IL11RA: variants seen among roughly 807,000 people sequenced by gnomAD.
IL11RA encodes the protein interleukin-11 receptor subunit alpha.
A neutral mutation model predicts 57.0 loss-of-function variants in IL11RA; 51 were observed. The observed-to-expected ratio is 0.89, with a 90% CI of 0.71 to 1.13. The LOEUF (loss-of-function observed/expected upper bound fraction) is 1.13, where lower values mean the gene tolerates loss of function less well. IL11RA is among the 50% of genes most tolerant of loss of function. The pLI is 0.00. For missense variants in IL11RA, 498 were observed against 539.4 expected, an observed-to-expected ratio of 0.92 and a Z score of 0.76; for synonymous variants, 199 against 217.5, an observed-to-expected ratio of 0.91 and a Z score of 0.75.
At chr9:34,660,682 C>A in intron 11 of IL11RA, 82 bp downstream of exon 11, 1 of 1,299,510 alleles carries the variant, frequency 7.7e-7, no homozygotes, top group Non-Finnish European at 1.1e-6. Flanking sequence ...CTCCACCCTT[C>A]ATGACTGCCC....
At chr9:34,661,099 T>G (rs1267853228) in intron 12 of IL11RA, among the ~76,000 whole-genome samples, 163 bp downstream of exon 12, 1 of 151,816 alleles carries the variant, frequency 6.6e-6, no homozygotes, top group African/African-American at 2.4e-5. Context: ...CCTTTCATTC[T>G]TGAGTCCCTG....
chr9:34,652,909 C>T lies in IL11RA; in HGVS notation c.-1+676C>T, dbSNP rs117987895. 5.2e-3 allele frequency among the ~76,000 whole-genome samples: 794 copies of T among 152,284 alleles called. 3 individuals carry two copies. Among genetic ancestry groups the T allele is most frequent in the Admixed American group, 8.8e-3 (134 of 15,296 alleles). ...TCCCTGCTTGGCTCAGTTTCCCTTACGTGCCGTTTTCTGTCCCTATTGCTG... is the reference window on the plus strand; with the variant it reads ...TCCCTGCTTGGCTCAGTTTCCCTTATGTGCCGTTTTCTGTCCCTATTGCTG... On this transcript the variant is annotated intron_variant, in intron 1 of 12. Coordinates refer to ENST00000441545, the MANE Select transcript of IL11RA (RefSeq NM_001142784.3).
In IL11RA at chr9:34,653,044, C is replaced by T. The variant is rs1370655185; in HGVS notation, c.-1+811C>T. On this transcript the variant is annotated intron_variant, in intron 1 of 12. Coordinates refer to ENST00000441545, the MANE Select transcript of IL11RA (RefSeq NM_001142784.3). The surrounding 1 kb of genome is among the most constrained non-coding windows in gnomAD (Gnocchi z 4.5). ...CCTTTCTCTCTGTCTCTCTCTGTGC[C>T]CCTATGCCTGCCTTCCCTGCTGATC... 6.6e-6 allele frequency among the ~76,000 whole-genome samples: 1 copy of T among 152,130 alleles called. No homozygotes were observed. Among genetic ancestry groups the T allele is most frequent in the Non-Finnish European group, 1.5e-5 (1 of 68,036 alleles).
intron 7 of IL11RA, 97 bp downstream of exon 7, chr9:34,657,684 C>A: frequency 8.3e-7 from 1 of 1,206,252 alleles, no homozygotes; most frequent in Non-Finnish European, 1.2e-6. Context: ...TTCCTCCCAA[C>A]CTAGACTCCA....
At chr9:34,657,192 G>A (rs754185847) in intron 5 of IL11RA, 43 bp downstream of exon 5, 1 of 1,605,948 alleles carries the variant, frequency 6.2e-7, no homozygotes, top group African/African-American at 1.3e-5. Context: ...ATTTGGGTAT[G>A]CTGGTGCAAT....
intron 7 of IL11RA, 32 bp downstream of exon 7, chr9:34,657,619 C>T (rs764986578): frequency 1.2e-6 from 2 of 1,606,260 alleles, no homozygotes; most frequent in Admixed American, 1.7e-5. Flanking sequence ...CCCCCAGACC[C>T]CCATCACAGA....
chr9:34,659,500 C>T (rs1821409936), intron 8 of IL11RA, among the ~76,000 whole-genome samples: 1 of 152,144 alleles, frequency 6.6e-6, no homozygotes, highest in Non-Finnish European at 1.5e-5. Context: ...CACAGAGAGG[C>T]CCAAAGGGTC....
intron 2 of IL11RA, 46 bp from the exon 3 acceptor site, chr9:34,655,559 G>A: frequency 1.3e-6 from 2 of 1,560,068 alleles, no homozygotes; most frequent in Non-Finnish European, 1.8e-6. Flanking sequence ...CACAAAGTGG[G>A]GAGGGGGGTA....
intron 3 of IL11RA, 76 bp downstream of exon 3, chr9:34,655,741 C>T (rs1821332444): frequency 1.6e-6 from 2 of 1,236,362 alleles, no homozygotes; most frequent in African/African-American, 2.9e-5. Context: ...TGTCCCGCCC[C>T]TCCCATCCTT....
In IL11RA at chr9:34,658,827, T is replaced by C; in HGVS notation, c.810+144T>C. ...GTGGGCCAGGCTTTGTACTGGGTGC[T>C]GGGTTGCAGTGGTGACTGAGAGACT... On this transcript the variant is annotated intron_variant, in intron 8 of 12. Coordinates refer to ENST00000441545, the MANE Select transcript of IL11RA (RefSeq NM_001142784.3). The surrounding 1 kb of genome is among the most constrained non-coding windows in gnomAD (Gnocchi z 4.0). The C allele has an allele frequency of 1.2e-6, 1 of 854,932 alleles. No homozygotes were observed. The highest frequency in any genetic ancestry group is 1.4e-5 in the South Asian group (1 of 69,488). 53.0% of individuals were successfully genotyped at this position (854,932 alleles called of 1,614,324 possible). A position where few individuals can be genotyped will look rare whatever the true frequency, so the allele number is the denominator to read the frequency against.
In IL11RA at chr9:34,658,006, C is replaced by G. The variant is rs1429800221; in HGVS notation, c.646+419C>G. On this transcript the variant is annotated intron_variant, in intron 7 of 12. Transcript: ENST00000441545. This position sits in a 1 kb window ranked among gnomAD's most constrained non-coding sequence, Gnocchi z 4.0. ...ACTCAAGAAGCACTTCAAAAGTCCA[C>G]CCGCAGATCTCAGGTGGTTTCTTTT... 6.6e-6 allele frequency among the ~76,000 whole-genome samples: 1 copy of G among 152,168 alleles called. No homozygotes were observed. Among genetic ancestry groups the G allele is most frequent in the South Asian group, 2.1e-4 (1 of 4,822 alleles).
At chr9:34,659,718 C>T in intron 8 of IL11RA, 41 bp from the exon 9 acceptor site, 1 of 1,613,342 alleles carries the variant, frequency 6.2e-7, no homozygotes, top group Non-Finnish European at 8.5e-7. Context: ...GAAGGCCCTG[C>T]ACTTACAAGC....
In IL11RA at chr9:34,655,290, C is replaced by T. The variant is rs1345194764; in HGVS notation, c.73C>T (p.Pro25Ser). 6.2e-7 allele frequency: 1 copy of T among 1,610,734 alleles called. No homozygotes were observed. The highest frequency in any genetic ancestry group is 8.5e-7 in the Non-Finnish European group (1 of 1,178,308). Residue 25 changes from proline to serine, a missense_variant, in exon 2 of 13, where the codon CCC (proline) becomes TCC (serine). Coordinates refer to ENST00000441545, the MANE Select transcript of IL11RA (RefSeq NM_001142784.3). ...TACAGCCCTGGTGTCTGCCTCCTCC[C>T]CCTGCCCCCAGGCCTGGGGCCCCCC... Reference protein sequence around the residue: ...VATALVSASSPCPQAWGPPGV... With the variant: ...VATALVSASSSCPQAWGPPGV...
At chr9:34,660,967 G>A (rs756769405) in intron 12 of IL11RA, 31 bp downstream of exon 12, 6 of 1,549,528 alleles carry the variant, frequency 3.9e-6, no homozygotes, top group Non-Finnish European at 5.4e-6. Flanking sequence ...ATTTGGACTT[G>A]GAGATGTTTG....
At position 34,656,866 on chromosome 9, in the gene IL11RA, C is replaced by T; in HGVS notation, c.289C>T (p.Leu97=). ...TGAGGGCACCTACATCTGCCAGACC[C>T]TGGATGGTGCACTTGGGGGCACAGT... ...TDEGTYICQT[L]DGALGGTVTL... The change falls in exon 4 of 13, where the codon CTG becomes TTG. Residue 97 remains leucine (L), a synonymous_variant. Coordinates refer to ENST00000441545, the MANE Select transcript of IL11RA (RefSeq NM_001142784.3). 6.2e-7 allele frequency: 1 copy of T among 1,614,170 alleles called. No homozygotes were observed. Among genetic ancestry groups the T allele is most frequent in the Non-Finnish European group, 8.5e-7 (1 of 1,180,028 alleles).
intron 2 of IL11RA, 142 bp from the exon 3 acceptor site, chr9:34,655,463 C>A: frequency 1.1e-6 from 1 of 883,530 alleles, no homozygotes; most frequent in Admixed American, 2.0e-5. Flanking sequence ...TCTCTGACCT[C>A]TGTCTCCAGA....
intron 3 of IL11RA, 82 bp from the exon 4 acceptor site, chr9:34,656,657 G>A: frequency 1.3e-6 from 2 of 1,512,250 alleles, no homozygotes; most frequent in South Asian, 1.1e-5. Context: ...AATGCAGTTA[G>A]AAGCCAATGG....
Position 34,656,759 on chromosome 9 carries a change from G to T in IL11RA, c.182G>T (p.Arg61Leu), listed in dbSNP as rs775518776. 1 of 1,614,048 alleles carries T rather than the reference G, an allele frequency of 6.2e-7. No homozygotes were observed. The highest frequency in any genetic ancestry group is 8.5e-7 in the Non-Finnish European group (1 of 1,180,050). ...VTAGDPVSWF[R>L]DGEPKLLQGP... is the part of the protein sequence containing the mutation. ...TCCAGGGACCCAGTGTCCTGGTTTC[G>T]GGATGGGGAGCCAAAGCTGCTCCAG... The change falls in exon 4 of 13, where the codon CGG becomes CTG. Residue 61 changes from arginine to leucine, a missense_variant. By Grantham distance (102) the Arg-to-Leu change is moderately radical. Transcript: ENST00000441545.
intron 9 of IL11RA, 52 bp downstream of exon 9, chr9:34,659,952 TCAGCTGAACCAGTTCCAAAAG>T (rs757266793): frequency 6.2e-7 from 1 of 1,601,104 alleles, no homozygotes; most frequent in Admixed American, 1.7e-5. Context: ...AAAGCATCTA[TCAGCTGAACCAGTTCCAAAAG>T]ACAGGCAGGT....
Sources: allele counts gnomAD v4.1 joint callset (sites outside exome capture counted in the v4.1 genomes callset), GRCh38; gene constraint gnomAD v4.1.1; non-coding constraint Gnocchi (gnomAD v3.1); transcripts MANE v1.5; gene names NCBI Gene and HGNC (gene_info 2026-07-23, HGNC 2026-07-21).